The following PTPRD variants were observed in gnomAD, a reference collection of about 807,000 sequenced individuals.
PTPRD encodes receptor-type tyrosine-protein phosphatase delta.
In PTPRD, 34 loss-of-function variants were observed where a neutral mutation model predicts 214.5. The ratio of observed to expected loss-of-function variants is 0.16; its 90% CI spans 0.12 to 0.21. The LOEUF (loss-of-function observed/expected upper bound fraction) is 0.21, where lower values mean the gene tolerates loss of function less well. Among genes scored for constraint, PTPRD ranks in the 10% least tolerant of loss-of-function variants. PTPRD has a pLI of 1.00. For missense variants in PTPRD, 2,545 were observed against 2,398.7 expected (o/e 1.06, Z -1.27); for synonymous variants, 1,128 against 845.7 (o/e 1.33, Z -5.79).
intron 7 of PTPRD, among the ~76,000 whole-genome samples, chr9:9,655,940 C>G (rs181642506): frequency 8.5e-4 from 129 of 152,044 alleles, no homozygotes; most frequent in African/African-American, 3.0e-3. Flanking sequence ...ATTGCACCAT[C>G]GCTCTCCAGC....
intron 8 of PTPRD, among the ~76,000 whole-genome samples, chr9:9,562,388 G>A (rs1374182050): frequency 2.0e-5 from 3 of 152,114 alleles, no homozygotes; most frequent in African/African-American, 4.8e-5. Context: ...CTTTAAAAAT[G>A]GCTTCTGGCT....
chr9:9,977,755 GTAA>G (rs1180381267), intron 4 of PTPRD, among the ~76,000 whole-genome samples: 2 of 152,064 alleles, frequency 1.3e-5, no homozygotes, highest in Admixed American at 6.6e-5. Context: ...AAAGAGAAAA[GTAA>G]GAAAGAAGGG....
chr9:8,815,100 A>T (rs979353177), intron 11 of PTPRD, among the ~76,000 whole-genome samples: 4 of 146,114 alleles, frequency 2.7e-5, no homozygotes, highest in Admixed American at 2.7e-4. Context: ...ATCACTTTAT[A>T]TAATTTAGTT....
chr9:8,370,883 C>T (rs1388931372), intron 39 of PTPRD, among the ~76,000 whole-genome samples: 2 of 152,094 alleles, frequency 1.3e-5, no homozygotes, highest in East Asian at 1.9e-4. Context: ...GCTGATCTTA[C>T]CTGGCCTCTG....
At position 8,319,934 on chromosome 9, in the gene PTPRD, G is replaced by A. The variant is rs764537367; in HGVS notation, c.5567C>T (p.Thr1856Met). ...AGVGRTGVFI[T>M]LSIVLERMRY... ...CATTCTTTCCAAAACAATGCTTAGC[G>A]TTATGAAGACTCCAGTTCTTCCAAC... is the stretch of plus-strand genomic sequence containing the variant. The change falls in exon 45 of 46, where the codon ACG becomes ATG. Residue 1856 changes from threonine to methionine, a missense_variant. Thr to Met is a moderately conservative substitution (Grantham distance 81). Transcript: ENST00000381196. 2.3e-5 allele frequency: 37 copies of A among 1,612,676 alleles called. No individual in the cohort carries two copies. Among genetic ancestry groups the A allele is most frequent in the Admixed American group, 2.2e-4 (13 of 59,748 alleles).
At chr9:9,614,089 G>A (rs2094705001) in intron 7 of PTPRD, among the ~76,000 whole-genome samples, 1 of 151,658 alleles carries the variant, frequency 6.6e-6, no homozygotes, top group Admixed American at 6.6e-5. Flanking sequence ...ATCAATTGTT[G>A]CTAAAAACAT....
intron 5 of PTPRD, among the ~76,000 whole-genome samples, chr9:9,906,761 A>G (rs2077680682): frequency 1.3e-5 from 2 of 151,986 alleles, no homozygotes; most frequent in African/African-American, 4.8e-5. Flanking sequence ...TCAAAAGTGT[A>G]TGTACATGGA....
chr9:8,357,087 A>G (rs563385862), intron 39 of PTPRD, among the ~76,000 whole-genome samples: 1 of 152,330 alleles, frequency 6.6e-6, no homozygotes, highest in African/African-American at 2.4e-5. Context: ...GCTATACGCT[A>G]CAAAGAACCT....
intron 11 of PTPRD, among the ~76,000 whole-genome samples, chr9:8,894,556 G>C (rs1217767016): frequency 1.3e-5 from 2 of 151,862 alleles, no homozygotes; most frequent in Non-Finnish European, 2.9e-5. Context: ...GTATAGATGT[G>C]GTCATACATG....
chr9:9,417,189 A>AT (rs1343078317), intron 8 of PTPRD, among the ~76,000 whole-genome samples: 1 of 152,142 alleles, frequency 6.6e-6, no homozygotes, highest in Non-Finnish European at 1.5e-5. Context: ...GCAGACTGTT[A>AT]TTTTTAAGGC....
chr9:10,127,855 T>C (rs903086039), intron 3 of PTPRD, among the ~76,000 whole-genome samples: 3 of 152,300 alleles, frequency 2.0e-5, no homozygotes, highest in Admixed American at 1.3e-4. Context: ...TTAAATTCTG[T>C]TACAGGTAGC....
At chr9:8,434,360 G>T (rs79582780) in intron 35 of PTPRD, among the ~76,000 whole-genome samples, 2,875 of 152,226 alleles carry the variant, frequency 0.019, 101 homozygotes, top group African/African-American at 0.066. Flanking sequence ...GTAACTTGCT[G>T]TAAAGGATTG....
chr9:9,561,679 CA>C (rs1250739096), intron 8 of PTPRD, among the ~76,000 whole-genome samples: 2 of 152,134 alleles, frequency 1.3e-5, no homozygotes, highest in African/African-American at 4.8e-5. Flanking sequence ...ACTTTCCAAA[CA>C]AAAGAAGGGT....
At chr9:10,020,658 C>T (rs1478285798) in intron 4 of PTPRD, among the ~76,000 whole-genome samples, 1 of 11,946 alleles carries the variant, frequency 8.4e-5, no homozygotes. Flanking sequence ...TTATGAATCC[C>T]TTGCTTCATC....
At chr9:9,551,066 A>G (rs1035852871) in intron 8 of PTPRD, among the ~76,000 whole-genome samples, 1 of 151,984 alleles carries the variant, frequency 6.6e-6, no homozygotes, top group African/African-American at 2.4e-5. Context: ...TAAATACTAC[A>G]TGACCCCATA....
rs1172437057 is a variant in PTPRD at position 8,599,613 on chromosome 9, C to CT, written c.352+33703dup. 6.6e-3 allele frequency among the ~76,000 whole-genome samples: 354 copies of CT among 53,444 alleles called. 2 individuals carry two copies. Among genetic ancestry groups the CT allele is most frequent in the Non-Finnish European group, 1.0e-2 (274 of 27,416 alleles). The allele number at this position is 53,444 out of a possible 152,430, so 35.1% of individuals were successfully genotyped here. A position where few individuals can be genotyped will look rare whatever the true frequency, so the allele number is the denominator to read the frequency against. The stretch of plus-strand genomic sequence containing the variant: ...TGGCCCTTTCCCCCACCCGCCCACC[C>CT]TTTTTTTTTTTTTTTTTTTTTTTTT... On this transcript the variant is annotated intron_variant, in intron 14 of 45. Coordinates refer to ENST00000381196, the MANE Select transcript of PTPRD (RefSeq NM_002839.4).
intron 10 of PTPRD, among the ~76,000 whole-genome samples, chr9:9,058,842 G>A (rs992844855): frequency 6.6e-6 from 1 of 152,112 alleles, no homozygotes; most frequent in Non-Finnish European, 1.5e-5. Context: ...GGCAAGGTTA[G>A]CTTTGGGAAA....
In PTPRD at chr9:10,112,135, T is replaced by C. The variant is rs79356665; in HGVS notation, c.-544-78345A>G. 9.2e-5 allele frequency among the ~76,000 whole-genome samples: 14 copies of C among 152,296 alleles called. No individual in the cohort carries two copies. The East Asian group carries it at 2.5e-3, about 27-fold the overall frequency. ...TTCCCCTTTTGCCCTAAGTGCTTTT[T>C]TGTGTTTCTGGAATTGACAAGCAAA... is the stretch of plus-strand genomic sequence containing the variant. On this transcript the variant is annotated intron_variant, in intron 3 of 45. Coordinates refer to ENST00000381196, the MANE Select transcript of PTPRD (RefSeq NM_002839.4).
intron 9 of PTPRD, among the ~76,000 whole-genome samples, chr9:9,305,967 A>G (rs979238611): frequency 1.3e-5 from 2 of 152,124 alleles, no homozygotes; most frequent in Non-Finnish European, 2.9e-5. Flanking sequence ...ATGTGAAATA[A>G]TAAATTTCTG....
Sources: allele counts gnomAD v4.1 joint callset (sites outside exome capture counted in the v4.1 genomes callset), GRCh38; gene constraint gnomAD v4.1.1; transcripts MANE v1.5; gene names NCBI Gene and HGNC (gene_info 2026-07-23, HGNC 2026-07-21).